COG1: variants seen among roughly 807,000 people sequenced by gnomAD.
COG1 encodes the protein conserved oligomeric Golgi complex subunit 1.
A neutral mutation model predicts 102.2 loss-of-function variants in COG1; 61 were observed. The ratio of observed to expected loss-of-function variants is 0.60; its 90% confidence interval spans 0.49 to 0.74. COG1 has a LOEUF of 0.74. Among genes scored for constraint, COG1 ranks in the 30% least tolerant of loss-of-function variants. The pLI, the probability that COG1 is intolerant of heterozygous loss-of-function variation, is 0.00. For missense variants in COG1, 1,164 were observed against 1,232.1 expected (o/e 0.94, Z 0.83); for synonymous variants, 454 against 493.6 (o/e 0.92, Z 1.06).
chr17:73,202,222 C>T (rs1337617785), intron 7 of COG1, among the ~76,000 whole-genome samples: 1 of 152,014 alleles, frequency 6.6e-6, no homozygotes, highest in Non-Finnish European at 1.5e-5. Context: ...GCCTGTAGTC[C>T]CAGCTACTCG....
At position 73,201,612 on chromosome 17, in the gene COG1, T is replaced by C; in HGVS notation, c.1785T>C (p.Gly595=). ...IRAELQSIEE[G]VQGQQDALNS... ...CAGAGCTACAGAGCATTGAAGAGGG[T>C]GTGCAAGGGCAACAGGATGCCCTCA... Residue 595 remains glycine (G), a synonymous_variant, in exon 7 of 14, where the codon GGT becomes GGC. Transcript: ENST00000299886. The C allele has an allele frequency of 6.2e-7, 1 of 1,614,114 alleles. No individual in the cohort carries two copies. The highest frequency in any genetic ancestry group is 8.5e-7 in the Non-Finnish European group (1 of 1,180,022).
intron 11 of COG1, 38 bp downstream of exon 11, chr17:73,206,300 C>T (rs1441718508): frequency 3.4e-6 from 5 of 1,481,796 alleles, no homozygotes; most frequent in Non-Finnish European, 4.7e-6. Flanking sequence ...GCGAACGAAG[C>T]GATACAGGCT....
intron 1 of COG1, 104 bp from the exon 2 acceptor site, chr17:73,196,403 A>C: frequency 6.4e-7 from 1 of 1,556,944 alleles, no homozygotes; most frequent in South Asian, 1.1e-5. Context: ...AGCTTAATAG[A>C]AGTTTTGTAT....
chr17:73,201,726 G>A lies in COG1; in HGVS notation c.1899G>A (p.Leu633=), dbSNP rs760180171. ...GCCCCCATCTGAAGCAGTGCATCCT[G>A]GGAAAATCAGAGAGCTCAGAGAAAC... The part of the protein sequence containing the change: ...ELCPHLKQCI[L]GKSESSEKPA... Residue 633 remains leucine, a synonymous_variant, in exon 7 of 14, where the codon CTG becomes CTA. Coordinates refer to ENST00000299886, the MANE Select transcript of COG1 (RefSeq NM_018714.3). The A allele has an allele frequency of 6.2e-7, 1 of 1,614,158 alleles. No individual in the cohort carries two copies. Among genetic ancestry groups the A allele is most frequent in the Admixed American group, 1.7e-5 (1 of 60,018 alleles).
chr17:73,206,403 G>A (rs1381784042), intron 11 of COG1, 141 bp downstream of exon 11: 1 of 769,674 alleles, frequency 1.3e-6, no homozygotes, highest in Non-Finnish European at 2.3e-6. Flanking sequence ...GTAGTTATAA[G>A]GACTGAAAGA....
intron 1 of COG1, 60 bp downstream of exon 1, chr17:73,193,444 C>G (rs1427833681): frequency 7.3e-7 from 1 of 1,372,824 alleles, no homozygotes; most frequent in African/African-American, 1.5e-5. Flanking sequence ...CCTGGCCTTG[C>G]AGGTCAACCC....
chr17:73,200,878 C>A, intron 6 of COG1, 102 bp downstream of exon 6: 1 of 1,152,820 alleles, frequency 8.7e-7, no homozygotes, highest in Non-Finnish European at 1.3e-6. Context: ...TATTCTTTTC[C>A]TGCTTAGTAA....
At chr17:73,199,513 C>A (rs1427031930) in intron 4 of COG1, among the ~76,000 whole-genome samples, 1 of 152,152 alleles carries the variant, frequency 6.6e-6, no homozygotes. Flanking sequence ...TTTCAGAAGT[C>A]CAGTTTGACC....
chr17:73,205,647 A>G lies in COG1; in HGVS notation c.2477A>G (p.Glu826Gly). The G allele has an allele frequency of 6.2e-7, 1 of 1,613,992 alleles. No homozygotes were observed. The highest frequency in any genetic ancestry group is 8.5e-7 in the Non-Finnish European group (1 of 1,179,972). ...ATTGTTCTGACAGCCAAGGGTGACG[A>G]GGTGAAGAGTGGCCGGAGCAAGCCA... ...LNIVLTAKGD[E>G]VKSGRSKPDS... Residue 826 changes from glutamate to glycine, a missense_variant, in exon 10 of 14, where the codon GAG becomes GGG. Transcript: ENST00000299886.
At chr17:73,203,592 T>C (rs770501477) in intron 8 of COG1, 40 bp from the exon 9 acceptor site, 1 of 1,611,254 alleles carries the variant, frequency 6.2e-7, no homozygotes, top group Non-Finnish European at 8.5e-7. Context: ...GTCATTTAAT[T>C]GGTGCAAGTT....
In COG1 at chr17:73,206,617, C is replaced by T. The variant is rs74904465; in HGVS notation, c.2620-91C>T. ...TTCCCCAAAATGACAGTTAGAAATA[C>T]GGTAGCGATGGGTGACTAACCTTTT... On this transcript the variant is annotated intron_variant, in intron 11 of 13. Coordinates refer to ENST00000299886, the MANE Select transcript of COG1 (RefSeq NM_018714.3). 1.1e-3 allele frequency: 916 copies of T among 832,890 alleles called. 3 individuals are homozygous for T. The African/African-American group carries it at 0.013, about 12-fold the overall frequency. 51.6% of individuals were successfully genotyped at this position (832,890 alleles called of 1,614,324 possible). A position where few individuals can be genotyped will look rare whatever the true frequency, so the allele number is the denominator to read the frequency against.
chr17:73,199,962 C>T lies in COG1; in HGVS notation c.1011C>T (p.Thr337=). Residue 337 remains threonine (T), a synonymous_variant, in exon 5 of 14, where the codon ACC becomes ACT. Coordinates refer to ENST00000299886, the MANE Select transcript of COG1 (RefSeq NM_018714.3). ...SIVEFQPTLR[T]LAHPISQEYL... ...TCGAGTTCCAGCCAACACTCCGAACCCTTGCACATCCCATCAGTCAGGAAT... is the reference window on the plus strand; with the variant it reads ...TCGAGTTCCAGCCAACACTCCGAACTCTTGCACATCCCATCAGTCAGGAAT... 6.2e-7 allele frequency: 1 copy of T among 1,614,166 alleles called. No homozygotes were observed. The highest frequency in any genetic ancestry group is 8.5e-7 in the Non-Finnish European group (1 of 1,180,018).
In COG1 at chr17:73,200,158, C is replaced by T. The variant is rs58980238; in HGVS notation, c.1070+137C>T. On this transcript the variant is annotated intron_variant, in intron 5 of 13. Coordinates refer to ENST00000299886, the MANE Select transcript of COG1 (RefSeq NM_018714.3). ...GTGCTGCCCATCAGCCAGCCTCTCA[C>T]TCTGTGACCCATTGCCACCTTTGAG... The T allele has an allele frequency of 4.2e-3, 4,430 of 1,055,996 alleles. 120 individuals carry two copies. The African/African-American group carries it at 0.062, about 15-fold the overall frequency. The allele number at this position is 1,055,996 out of a possible 1,614,324, so 65.4% of individuals were successfully genotyped here. A position where few individuals can be genotyped will look rare whatever the true frequency, so the allele number is the denominator to read the frequency against.
Position 73,197,290 on chromosome 17 carries a change from T to C in COG1, c.807T>C (p.Ala269=), listed in dbSNP as rs747543891. The C allele has an allele frequency of 3.7e-6, 6 of 1,614,106 alleles. No homozygotes were observed. The highest frequency in any genetic ancestry group is 8.5e-7 in the Non-Finnish European group (1 of 1,180,052). Residue 269 remains alanine, a synonymous_variant, in exon 4 of 14, where the codon GCT becomes GCC. Transcript: ENST00000299886. ...TGCTGGCCACCACTCTGAAGCAAGCTCATGCCCTTTTCTACACTTTGCCAG... is the reference window on the plus strand; with the variant it reads ...TGCTGGCCACCACTCTGAAGCAAGCCCATGCCCTTTTCTACACTTTGCCAG... ...VELLATTLKQ[A]HALFYTLPEG... is the part of the protein sequence containing the mutation.
chr17:73,196,457 A>C (rs2061325264), intron 1 of COG1, 50 bp from the exon 2 acceptor site: 2 of 1,613,470 alleles, frequency 1.2e-6, no homozygotes, highest in Non-Finnish European at 1.7e-6. Flanking sequence ...CAGAACACTG[A>C]GATTGCTTTT....
In COG1 at chr17:73,205,592, C is replaced by A; in HGVS notation, c.2422C>A (p.Gln808Lys). Residue 808 changes from glutamine to lysine, a missense_variant, in exon 10 of 14, where the codon CAG (glutamine) becomes AAG (lysine). Transcript: ENST00000299886. ...AFPVTQNRAL[Q>K]LLYDLRYLNI... ...TCCAGTCACCCAGAACCGGGCGCTG[C>A]AGCTGCTTTATGATCTGCGTTACCT... is the stretch of plus-strand genomic sequence containing the variant. 1 of 1,614,190 alleles carries A rather than the reference C, an allele frequency of 6.2e-7. No homozygotes were observed. The highest frequency in any genetic ancestry group is 8.5e-7 in the Non-Finnish European group (1 of 1,180,026).
intron 7 of COG1, among the ~76,000 whole-genome samples, chr17:73,202,313 T>TG (rs2061350590): frequency 6.6e-6 from 1 of 150,572 alleles, no homozygotes; most frequent in Admixed American, 6.7e-5. Flanking sequence ...CACTCTAGCC[T>TG]GGGCAACAGG....
intron 1 of COG1, among the ~76,000 whole-genome samples, chr17:73,195,738 C>A (rs1307467709): frequency 1.3e-5 from 2 of 152,054 alleles, no homozygotes; most frequent in Non-Finnish European, 2.9e-5. Context: ...CATGGTAAAA[C>A]CCTGTCTCTA....
At chr17:73,207,285 G>A (rs375625237) in intron 13 of COG1, 29 bp downstream of exon 13, 26 of 1,606,268 alleles carry the variant, frequency 1.6e-5, no homozygotes, top group Middle Eastern at 1.6e-4. Flanking sequence ...AGGCTCATCC[G>A]TGGATGGGTC....
Sources: allele counts gnomAD v4.1 joint callset (sites outside exome capture counted in the v4.1 genomes callset), GRCh38; gene constraint gnomAD v4.1.1; transcripts MANE v1.5; gene names NCBI Gene and HGNC (gene_info 2026-07-23, HGNC 2026-07-21).